Variants in LAMA2 observed in about 807,000 individuals in gnomAD.
LAMA2 encodes the protein laminin subunit alpha 2, also known as laminin subunit alpha-2.
LAMA2 carries 269 observed loss-of-function variants against 364.8 expected under a neutral mutation model. The observed-to-expected ratio is 0.74, with a 90% CI of 0.67 to 0.82. The LOEUF (loss-of-function observed/expected upper bound fraction) is 0.82. Among genes scored for constraint, LAMA2 ranks in the 40% least tolerant of loss-of-function variants. The probability of loss-of-function intolerance (pLI) is 0.00; values close to 1 mark genes in which losing one functional copy is unlikely to be tolerated. For missense variants in LAMA2, 3,807 were observed against 3,873.2 expected (o/e 0.98, Z 0.45); for synonymous variants, 1,379 against 1,370.6 (o/e 1.01, Z -0.14).
In LAMA2 at chr6:129,400,880, T is replaced by C. The variant is rs6930710; in HGVS notation, c.5446-344T>C. On this transcript the variant is annotated intron_variant, in intron 37 of 64. Coordinates refer to ENST00000421865, the MANE Select transcript of LAMA2 (RefSeq NM_000426.4). The stretch of plus-strand genomic sequence containing the variant: ...TTTGTATATAGATTCTAGAATTCAA[T>C]ATGTAGTACCAATATAACTATTCAG... Among the ~76,000 whole-genome samples the C allele has an allele frequency of 0.5, 76,818 of 152,116 alleles. 19,920 individuals are homozygous for C. The highest frequency in any genetic ancestry group is 0.62 in the African/African-American group (25,688 of 41,524).
intron 51 of LAMA2, among the ~76,000 whole-genome samples, chr6:129,471,301 G>C (rs966063285): frequency 1.3e-5 from 2 of 151,868 alleles, no homozygotes; most frequent in Non-Finnish European, 2.9e-5. Flanking sequence ...ATAGAGTAAA[G>C]CACTCCCTTT....
chr6:129,129,191 C>T (rs545488006), intron 4 of LAMA2, among the ~76,000 whole-genome samples: 5 of 152,028 alleles, frequency 3.3e-5, no homozygotes, highest in African/African-American at 1.2e-4. Flanking sequence ...CTTCCTCATG[C>T]CATTTAAAGA....
intron 52 of LAMA2, 133 bp downstream of exon 52, chr6:129,473,485 A>G (rs977275625): frequency 5.4e-5 from 42 of 781,350 alleles, no homozygotes; most frequent in South Asian, 3.7e-4. Context: ...AATCAAAAAC[A>G]TCATGTTGCA....
At chr6:129,039,941 C>T (rs1447138712) in intron 1 of LAMA2, among the ~76,000 whole-genome samples, 1 of 152,064 alleles carries the variant, frequency 6.6e-6, no homozygotes, top group Non-Finnish European at 1.5e-5. Flanking sequence ...GGTTGGGGAC[C>T]CCGGGTTAGG....
chr6:129,157,527 A>T, intron 8 of LAMA2: 1 of 1,612,064 alleles, frequency 6.2e-7, no homozygotes, highest in Admixed American at 1.7e-5. Context: ...TAACCGTCAG[A>T]TTTTTACATC....
In LAMA2 at chr6:128,980,813, TA is replaced by T. The variant is rs112676163; in HGVS notation, c.113-69098del. On this transcript the variant is annotated intron_variant, in intron 1 of 64. Transcript: ENST00000421865. ...GCTTCTTGAGAACTACTATCAACAA[TA>T]AAAAAAGCTTTGATTTTAACGTGTA... Among the ~76,000 whole-genome samples the T allele has an allele frequency of 8.9e-3, 1,362 of 152,210 alleles. 26 individuals are homozygous for T. Among genetic ancestry groups the T allele is most frequent in the African/African-American group, 0.031 (1,285 of 41,548 alleles).
chr6:128,990,074 A>G (rs1010145993), intron 1 of LAMA2, among the ~76,000 whole-genome samples: 12 of 152,198 alleles, frequency 7.9e-5, no homozygotes, highest in Non-Finnish European at 2.9e-5. Flanking sequence ...ATGCTTTCTT[A>G]TTCTTTATTA....
At chr6:129,396,947 G>A (rs1035545032) in intron 37 of LAMA2, among the ~76,000 whole-genome samples, 21 of 142,296 alleles carry the variant, frequency 1.5e-4, no homozygotes, top group African/African-American at 5.6e-4. Flanking sequence ...CAGCACTCCA[G>A]CCTGGATGAC....
chr6:129,457,386 G>A (rs1169348355), intron 48 of LAMA2, among the ~76,000 whole-genome samples: 1 of 151,994 alleles, frequency 6.6e-6, no homozygotes, highest in Non-Finnish European at 1.5e-5. Flanking sequence ...CTCCTTCACA[G>A]ATAGATAAAT....
chr6:129,187,889 A>C (rs1781318737), intron 10 of LAMA2, among the ~76,000 whole-genome samples: 1 of 151,814 alleles, frequency 6.6e-6, no homozygotes, highest in Admixed American at 6.6e-5. Flanking sequence ...ATTTGTCTTG[A>C]AAAATAAATA....
At chr6:129,418,563 A>G (rs1322215178) in intron 40 of LAMA2, among the ~76,000 whole-genome samples, 1 of 152,150 alleles carries the variant, frequency 6.6e-6, no homozygotes, top group African/African-American at 2.4e-5. Context: ...GTTTGAGATC[A>G]TGTGTAAATA....
chr6:128,891,627 C>G (rs1462548992), intron 1 of LAMA2, among the ~76,000 whole-genome samples: 1 of 151,954 alleles, frequency 6.6e-6, no homozygotes, highest in East Asian at 1.9e-4. Context: ...TGAATTAAAC[C>G]TAACAACCTA....
At chr6:129,504,408 A>G (rs1171168676) in intron 60 of LAMA2, among the ~76,000 whole-genome samples, 1 of 152,212 alleles carries the variant, frequency 6.6e-6, no homozygotes, top group Non-Finnish European at 1.5e-5. Flanking sequence ...TTTATTTTTG[A>G]TGGTTTTTAA....
chr6:129,484,528 C>A (rs1460119007), intron 55 of LAMA2, among the ~76,000 whole-genome samples: 2 of 152,048 alleles, frequency 1.3e-5, no homozygotes, highest in Admixed American at 1.3e-4. Flanking sequence ...CCCAAGTGTT[C>A]ATCAGCTGGA....
At chr6:128,936,119 G>A (rs112736453) in intron 1 of LAMA2, among the ~76,000 whole-genome samples, 3,589 of 152,250 alleles carry the variant, frequency 0.024, 128 homozygotes, top group African/African-American at 0.083. Context: ...CTTCTGCCAC[G>A]GTTGTAAGCT....
At chr6:129,419,482 C>A (rs1334666715) in intron 40 of LAMA2, among the ~76,000 whole-genome samples, 3 of 152,150 alleles carry the variant, frequency 2.0e-5, no homozygotes, top group Non-Finnish European at 4.4e-5. Context: ...TGGGCCCACC[C>A]CACCTCTAGT....
In LAMA2 at chr6:129,158,053, C is replaced by A. The variant is rs878888885; in HGVS notation, c.1206+3370C>A. On this transcript the variant is annotated intron_variant, in intron 8 of 64. Transcript: ENST00000421865. ...CTCTTTAGGTCTCGATGAGCAATTGCGGGCTTTCCTTGGGTGCCATACGTT... is the reference window on the plus strand; with the variant it reads ...CTCTTTAGGTCTCGATGAGCAATTGAGGGCTTTCCTTGGGTGCCATACGTT... 10 of 1,604,728 alleles carry A rather than the reference C, an allele frequency of 6.2e-6. No individual in the cohort carries two copies. The African/African-American group carries it at 1.2e-4, about 19-fold the overall frequency.
chr6:129,297,554 C>G lies in LAMA2; in HGVS notation c.2857-131C>G. 3 of 805,160 alleles carry G rather than the reference C, an allele frequency of 3.7e-6. No homozygotes were observed. The South Asian group carries it at 4.5e-5, about 12-fold the overall frequency. The allele number at this position is 805,160 out of a possible 1,614,324, so 49.9% of individuals were successfully genotyped here. ...TTTGATTGAATGAAAACCCAATTGT[C>G]ATAACATCAGTGAGGAATCCTGATA... is the stretch of plus-strand genomic sequence containing the variant. On this transcript the variant is annotated intron_variant, in intron 20 of 64. Coordinates refer to ENST00000421865, the MANE Select transcript of LAMA2 (RefSeq NM_000426.4).
At chr6:129,125,533 C>G (rs1777061251) in intron 4 of LAMA2, among the ~76,000 whole-genome samples, 1 of 152,076 alleles carries the variant, frequency 6.6e-6, no homozygotes, top group South Asian at 2.1e-4. Flanking sequence ...CAGAGATTTC[C>G]CATAAGAGCA....
Sources: allele counts gnomAD v4.1 joint callset (sites outside exome capture counted in the v4.1 genomes callset), GRCh38; gene constraint gnomAD v4.1.1; transcripts MANE v1.5; gene names NCBI Gene and HGNC (gene_info 2026-07-23, HGNC 2026-07-21).